AUTS2: variants seen among roughly 807,000 people sequenced by gnomAD.
The protein encoded by AUTS2 is autism susceptibility gene 2 protein.
In AUTS2, 17 loss-of-function variants were observed where a neutral mutation model predicts 112.4. The ratio of observed to expected loss-of-function variants is 0.15; its 90% CI spans 0.10 to 0.23. The LOEUF (loss-of-function observed/expected upper bound fraction) is 0.23, where lower values mean the gene tolerates loss of function less well. Ranked by LOEUF, AUTS2 falls within the 10% of genes least tolerant of loss-of-function variation. AUTS2 has a pLI of 1.00. For missense variants in AUTS2, 1,510 were observed against 1,701.6 expected, an observed-to-expected ratio of 0.89 and a Z score of 1.98; for synonymous variants, 751 against 702.7, an observed-to-expected ratio of 1.07 and a Z score of -1.09.
At chr7:70,271,810 G>C (rs541379634) in intron 4 of AUTS2, among the ~76,000 whole-genome samples, 241 of 152,274 alleles carry the variant, frequency 1.6e-3, no homozygotes, top group Non-Finnish European at 2.7e-3. Flanking sequence ...ATTGCTAACC[G>C]TCACTTTTAC....
chr7:70,690,886 A>C (rs915011299), intron 5 of AUTS2, among the ~76,000 whole-genome samples: 2 of 152,188 alleles, frequency 1.3e-5, no homozygotes, highest in Non-Finnish European at 2.9e-5. Flanking sequence ...GCTTTAGCCC[A>C]GGAGTTCCAG....
intron 5 of AUTS2, among the ~76,000 whole-genome samples, chr7:70,573,054 G>T (rs960024919): frequency 1.3e-5 from 2 of 151,874 alleles, no homozygotes; most frequent in East Asian, 3.9e-4. Flanking sequence ...CGGAGAGAAC[G>T]GAGTTAATGG....
chr7:69,759,788 C>G (rs1209197597), intron 1 of AUTS2, among the ~76,000 whole-genome samples: 1 of 74,458 alleles, frequency 1.3e-5, no homozygotes, highest in African/African-American at 5.4e-5. Flanking sequence ...CCCCCCCCCC[C>G]CATATAAAGG....
intron 4 of AUTS2, among the ~76,000 whole-genome samples, chr7:70,378,785 A>T (rs886376865): frequency 3.3e-5 from 5 of 152,256 alleles, no homozygotes; most frequent in Non-Finnish European, 5.9e-5. Flanking sequence ...ACATAAAATA[A>T]CATGTAAAAT....
At chr7:70,246,158 G>T (rs575494297) in intron 4 of AUTS2, among the ~76,000 whole-genome samples, 2 of 152,120 alleles carry the variant, frequency 1.3e-5, no homozygotes, top group East Asian at 1.9e-4. Context: ...GTTTATCAGC[G>T]CATTCTGTTT....
chr7:70,292,662 T>C (rs999613715), intron 4 of AUTS2: 6 of 152,180 alleles, frequency 3.9e-5, no homozygotes, highest in Admixed American at 6.5e-5. Context: ...GGAAGCCACT[T>C]CCAAGTACTT....
chr7:70,323,181 G>A (rs1259501441), intron 4 of AUTS2, among the ~76,000 whole-genome samples: 3 of 152,238 alleles, frequency 2.0e-5, no homozygotes, highest in Admixed American at 2.0e-4. Context: ...ATATGTGAGG[G>A]TGGAGCTGAA....
chr7:69,887,413 CAAAAA>C (rs142082810), intron 1 of AUTS2, among the ~76,000 whole-genome samples: 7 of 53,050 alleles, frequency 1.3e-4, no homozygotes, highest in South Asian at 6.7e-4. Flanking sequence ...AAGACTTCAT[CAAAAA>C]AAAAAAAAAA....
intron 1 of AUTS2, among the ~76,000 whole-genome samples, chr7:69,750,488 TAGTAGTAGTAGTAGC>T (rs1427305246): frequency 1.3e-5 from 2 of 150,198 alleles, no homozygotes; most frequent in African/African-American, 4.9e-5. Flanking sequence ...GTAGTAGTAG[TAGTAGTAGTAGTAGC>T]AGTAGTAGTA....
At chr7:69,982,665 A>ACT (rs1437842233) in intron 2 of AUTS2, among the ~76,000 whole-genome samples, 1 of 152,220 alleles carries the variant, frequency 6.6e-6, no homozygotes, top group Non-Finnish European at 1.5e-5. Flanking sequence ...CCCAAACAAG[A>ACT]TGCCAGTGAC....
chr7:70,509,859 C>G (rs1489070116), intron 5 of AUTS2, among the ~76,000 whole-genome samples: 1 of 152,226 alleles, frequency 6.6e-6, no homozygotes, highest in South Asian at 2.1e-4. Context: ...GAGCAAGACT[C>G]TCAGCCTACA....
At chr7:70,447,724 G>A (rs1397792228) in intron 5 of AUTS2, among the ~76,000 whole-genome samples, 1 of 152,122 alleles carries the variant, frequency 6.6e-6, no homozygotes, top group African/African-American at 2.4e-5. Context: ...TGGAATACAA[G>A]GAAATGTTCA....
chr7:70,614,007 G>T (rs1484775798), intron 5 of AUTS2, among the ~76,000 whole-genome samples: 1 of 152,240 alleles, frequency 6.6e-6, no homozygotes, highest in Non-Finnish European at 1.5e-5. Flanking sequence ...AGGGTAGTTA[G>T]TGGGTGGCGG....
At chr7:70,163,360 A>AGGGGGGGGGGGGGGGGGGGG (rs1562753323) in intron 4 of AUTS2, among the ~76,000 whole-genome samples, 1 of 2,462 alleles carries the variant, frequency 4.1e-4, no homozygotes. Context: ...GGGGGGGGGC[A>AGGGGGGGGGGGGGGGGGGGG]GAGGGGGAGG....
intron 4 of AUTS2, among the ~76,000 whole-genome samples, chr7:70,149,535 G>A (rs992220152): frequency 6.6e-6 from 1 of 151,972 alleles, no homozygotes; most frequent in Non-Finnish European, 1.5e-5. Context: ...TTTTAGAGGA[G>A]ATCATGAATA....
intron 5 of AUTS2, among the ~76,000 whole-genome samples, chr7:70,457,979 G>A (rs544583065): frequency 1.3e-5 from 2 of 152,038 alleles, no homozygotes; most frequent in African/African-American, 2.4e-5. Context: ...CAGGCCACAC[G>A]CCTCCCATTT....
At chr7:69,679,045 AGTATATGT>A (rs781018659) in intron 1 of AUTS2, among the ~76,000 whole-genome samples, 75 of 152,352 alleles carry the variant, frequency 4.9e-4, no homozygotes, top group Non-Finnish European at 7.1e-4. Flanking sequence ...GCCATAGTGA[AGTATATGT>A]GTATATTTTT....
chr7:69,899,443 G>A lies in AUTS2; in HGVS notation c.467G>A (p.Arg156His), dbSNP rs141278123. The change falls in exon 2 of 19, where the codon CGC becomes CAC. Residue 156 changes from arginine (R) to histidine (H), a missense_variant. Arg to His is a conservative substitution (Grantham distance 29). Transcript: ENST00000342771. ...HHYSSDREND[R>H]NLCQHLGKRK... Reference sequence around the variant, plus strand: ...TACAGCTCAGATCGAGAAAATGACCGCAATCTCTGCCAGCACCTTGGGAAG... The same window carrying A: ...TACAGCTCAGATCGAGAAAATGACCACAATCTCTGCCAGCACCTTGGGAAG... The A allele has an allele frequency of 9.4e-5, 152 of 1,613,920 alleles. 1 individual carries two copies. The highest frequency in any genetic ancestry group is 1.2e-4 in the Non-Finnish European group (147 of 1,179,860).
intron 5 of AUTS2, among the ~76,000 whole-genome samples, chr7:70,643,831 C>A (rs755786820): frequency 6.6e-5 from 10 of 152,276 alleles, no homozygotes; most frequent in Middle Eastern, 6.8e-3. Context: ...TACCAAAGCC[C>A]CACATCAGCA....
Sources: allele counts gnomAD v4.1 joint callset (sites outside exome capture counted in the v4.1 genomes callset), GRCh38; gene constraint gnomAD v4.1.1; transcripts MANE v1.5; gene names NCBI Gene and HGNC (gene_info 2026-07-23, HGNC 2026-07-21).